HELLS: variants seen among roughly 807,000 people sequenced by gnomAD.
HELLS encodes helicase, lymphoid specific.
HELLS carries 32 observed loss-of-function variants against 120.0 expected under a neutral mutation model. The observed-to-expected ratio is 0.27, with a 90% confidence interval of 0.20 to 0.36. The LOEUF is 0.36. HELLS is among the 10% of genes least tolerant of loss of function. The probability of loss-of-function intolerance (pLI) is 1.00; values close to 1 mark genes in which losing one functional copy is unlikely to be tolerated. For missense variants in HELLS, 650 were observed against 993.4 expected (o/e 0.65, Z 4.65); for synonymous variants, 341 against 323.4 (o/e 1.05, Z -0.58).
intron 3 of HELLS, among the ~76,000 whole-genome samples, chr10:94,556,020 G>A (rs74150821): frequency 0.012 from 1,817 of 152,316 alleles, 55 homozygotes; most frequent in African/African-American, 0.042. Flanking sequence ...AGAGGGGCTT[G>A]TGGGAACCCT....
chr10:94,590,550 A>G lies in HELLS; in HGVS notation c.1626A>G (p.Glu542=), dbSNP rs775562321. The change falls in exon 14 of 22, where the codon GAA becomes GAG. Residue 542 remains glutamate (E), a splice_region_variant and synonymous_variant. Coordinates refer to ENST00000348459, the MANE Select transcript of HELLS (RefSeq NM_018063.5). ...AAATACAGCCAGAGGTGGACCGAGAAAGGTTTGAATTCAAAAGTGAATTTA... is the reference window on the plus strand; with the variant it reads ...AAATACAGCCAGAGGTGGACCGAGAGAGGTTTGAATTCAAAAGTGAATTTA... ...ISQIQPEVDR[E]RAVVEVNIPV... The G allele has an allele frequency of 1.2e-6, 2 of 1,610,952 alleles. No homozygotes were observed. Among genetic ancestry groups the G allele is most frequent in the East Asian group, 4.5e-5 (2 of 44,776 alleles).
chr10:94,596,043 A>T (rs1845722951), intron 19 of HELLS, among the ~76,000 whole-genome samples: 1 of 152,122 alleles, frequency 6.6e-6, no homozygotes, highest in Non-Finnish European at 1.5e-5. Flanking sequence ...TTGTTCTCGA[A>T]CACCTGGACT....
exon 10 of HELLS, chr10:94,610,835 C>G (rs568109151): frequency 6.6e-6 from 1 of 152,380 alleles, no homozygotes; most frequent in East Asian, 1.9e-4. Context: ...GGTGATCTGC[C>G]TGCCTCGGCC....
At position 94,559,883 on chromosome 10, in the gene HELLS, AG is replaced by A. The variant is rs1390697248; in HGVS notation, c.333+1692del. Among the ~76,000 whole-genome samples the A allele has an allele frequency of 2.6e-5, 4 of 152,194 alleles. No individual in the cohort carries two copies. In the East Asian group the frequency reaches 7.7e-4, roughly 29 times the overall value. ...AGAGACCCAAGCTTGTATTTTTCCT[AG>A]GGGCAATAAGTCAATAGTCATAGTG... On this transcript the variant is annotated intron_variant, in intron 4 of 21. Coordinates refer to ENST00000348459, the MANE Select transcript of HELLS (RefSeq NM_018063.5).
At chr10:94,580,439 C>T (rs1255554458) in intron 10 of HELLS, among the ~76,000 whole-genome samples, 2 of 151,976 alleles carry the variant, frequency 1.3e-5, no homozygotes. Flanking sequence ...GCCTCGGCCT[C>T]CCAAAGTGCT....
chr10:94,565,210 G>A (rs1359378274), intron 6 of HELLS, among the ~76,000 whole-genome samples: 2 of 152,138 alleles, frequency 1.3e-5, no homozygotes, highest in Admixed American at 6.5e-5. Context: ...GGTGGCTTGC[G>A]CCTGTAGTCC....
At chr10:94,604,143 T>TA (rs1219430471), downstream of HELLS, among the ~76,000 whole-genome samples, 2 of 150,280 alleles carry the variant, frequency 1.3e-5, no homozygotes, top group South Asian at 4.2e-4. Flanking sequence ...TTTTTTTTTT[T>TA]ATAAACAGTT....
intron 2 of HELLS, among the ~76,000 whole-genome samples, chr10:94,548,764 C>T (rs766097181): frequency 3.9e-4 from 60 of 152,148 alleles, no homozygotes; most frequent in Admixed American, 1.1e-3. Context: ...GAGGCCGAGG[C>T]GGGTGGATCA....
chr10:94,559,154 C>T (rs1564581268), intron 4 of HELLS, among the ~76,000 whole-genome samples: 1 of 152,306 alleles, frequency 6.6e-6, no homozygotes, highest in East Asian at 1.9e-4. Flanking sequence ...GTTCCAAGCT[C>T]AGCTCAAACA....
In HELLS at chr10:94,608,017, G is replaced by GCC; in HGVS notation, c.925_926insCC (p.Val309AlafsTer6). 1 of 285,910 alleles carries GCC rather than the reference G, an allele frequency of 3.5e-6. No individual in the cohort carries two copies. Among genetic ancestry groups the GCC allele is most frequent in the Non-Finnish European group, 7.2e-6 (1 of 139,382 alleles). The allele number at this position is 285,910 out of a possible 1,614,324, so 17.7% of individuals were successfully genotyped here. A position where few individuals can be genotyped will look rare whatever the true frequency, so the allele number is the denominator to read the frequency against. Reference sequence around the variant, plus strand: ...TGGGATTACAAGCGTGAGCCACTGCGTGGCCTGAGGTAAGATTTTATAAGA... The same window carrying GCC: ...TGGGATTACAAGCGTGAGCCACTGCGCCTGGCCTGAGGTAAGATTTTATAAGA... On this transcript the variant is annotated frameshift_variant, in exon 9 of 10. Transcript: ENST00000371327. LOFTEE classifies it high-confidence loss of function.
intron 6 of HELLS, among the ~76,000 whole-genome samples, chr10:94,568,805 A>G (rs910194680): frequency 1.3e-5 from 2 of 151,866 alleles, no homozygotes; most frequent in African/African-American, 2.4e-5. Context: ...AAAAATTACA[A>G]ATGTTTAGAG....
At chr10:94,575,834 G>C (rs1328527974) in intron 9 of HELLS, among the ~76,000 whole-genome samples, 1 of 147,812 alleles carries the variant, frequency 6.8e-6, no homozygotes, top group East Asian at 2.1e-4. Context: ...TTTCACTGTT[G>C]TTGCCCAGGC....
chr10:94,563,051 C>T (rs1235596402), intron 6 of HELLS, among the ~76,000 whole-genome samples, 175 bp downstream of exon 6: 1 of 151,714 alleles, frequency 6.6e-6, no homozygotes, highest in Non-Finnish European at 1.5e-5. Context: ...TATCTACCAA[C>T]CTACAGTAGA....
At chr10:94,584,103 T>A in intron 12 of HELLS, 1 of 1,381,538 alleles carries the variant, frequency 7.2e-7, no homozygotes, top group Non-Finnish European at 9.6e-7. Flanking sequence ...ACTTATTTAC[T>A]CAAGCTTCAT....
intron 6 of HELLS, chr10:94,569,508 C>T (rs1844024466): frequency 6.6e-6 from 1 of 152,134 alleles, no homozygotes; most frequent in Non-Finnish European, 1.5e-5. Flanking sequence ...ACCATAACCA[C>T]AATACAGTTA....
exon 10 of HELLS, chr10:94,609,958 A>AC (rs1392970405): frequency 1.3e-5 from 2 of 152,212 alleles, no homozygotes; most frequent in Non-Finnish European, 2.9e-5. Context: ...GTCTGAGCAG[A>AC]CCTGAAGAGA....
chr10:94,596,417 C>CT (rs992312313), intron 19 of HELLS, among the ~76,000 whole-genome samples: 2 of 152,014 alleles, frequency 1.3e-5, no homozygotes, highest in African/African-American at 2.4e-5. Flanking sequence ...ACTGATGAGT[C>CT]TTTTTTCTGT....
At chr10:94,592,197 C>T in intron 15 of HELLS, 32 bp from the exon 16 acceptor site, 4 of 1,474,046 alleles carry the variant, frequency 2.7e-6, no homozygotes, top group South Asian at 2.4e-5. Flanking sequence ...ACAGTTTTCT[C>T]TCTATTTTTT....
chr10:94,585,368 T>G (rs1270130975), intron 12 of HELLS, among the ~76,000 whole-genome samples: 34 of 142,454 alleles, frequency 2.4e-4, no homozygotes, highest in East Asian at 6.9e-4. Flanking sequence ...TTTTGTTTTT[T>G]TTTTTTGTTT....
Sources: allele counts gnomAD v4.1 joint callset (sites outside exome capture counted in the v4.1 genomes callset), GRCh38; gene constraint gnomAD v4.1.1; transcripts MANE v1.5; gene names NCBI Gene and HGNC (gene_info 2026-07-23, HGNC 2026-07-21).